Variants in ARHGEF17 observed in about 807,000 individuals in gnomAD.
The protein encoded by ARHGEF17 is 164 kDa Rho-specific guanine-nucleotide exchange factor.
In ARHGEF17, 80 loss-of-function variants were observed where a neutral mutation model predicts 174.0. The ratio of observed to expected loss-of-function variants is 0.46; its 90% CI spans 0.38 to 0.55. ARHGEF17 has a LOEUF of 0.55. Among genes scored for constraint, ARHGEF17 ranks in the 20% least tolerant of loss-of-function variants. The probability of loss-of-function intolerance (pLI) is 0.00; values close to 1 mark genes in which losing one functional copy is unlikely to be tolerated. For synonymous variants in ARHGEF17, 1,311 were observed against 1,189.1 expected (o/e 1.10, Z -2.11); for missense variants, 2,886 against 2,839.7 (o/e 1.02, Z -0.37).
chr11:73,314,756 C>A (rs1864901350), intron 1 of ARHGEF17, among the ~76,000 whole-genome samples: 1 of 152,100 alleles, frequency 6.6e-6, no homozygotes, highest in Admixed American at 6.5e-5. Flanking sequence ...CTCCCACACT[C>A]TTGTTACCTC....
In ARHGEF17 at chr11:73,364,518, A is replaced by G; in HGVS notation, c.5468A>G (p.Lys1823Arg). ...GGCACCCAGGGGAGCCCCATCACCA[A>G]GATGGTATCTGTGGGTGGGCGGCTG... The part of the protein sequence containing the change: ...TLGTQGSPIT[K>R]MVSVGGRLWC... Residue 1823 changes from lysine (K) to arginine (R), a missense_variant, in exon 18 of 21, where the codon AAG becomes AGG. Lys to Arg is a conservative substitution (Grantham distance 26). Transcript: ENST00000263674. 6.2e-7 allele frequency: 1 copy of G among 1,613,860 alleles called. No homozygotes were observed. The highest frequency in any genetic ancestry group is 8.5e-7 in the Non-Finnish European group (1 of 1,179,966).
chr11:73,314,300 G>C (rs1403586042), intron 1 of ARHGEF17, among the ~76,000 whole-genome samples: 1 of 152,234 alleles, frequency 6.6e-6, no homozygotes, highest in Non-Finnish European at 1.5e-5. Flanking sequence ...CTTTGCTTCT[G>C]GCAGTCCCTG....
intron 5 of ARHGEF17, 87 bp downstream of exon 5, chr11:73,356,040 C>A: frequency 6.3e-7 from 1 of 1,585,836 alleles, no homozygotes; most frequent in Non-Finnish European, 8.6e-7. Context: ...CTCGTTGAGC[C>A]TGACATCAGG....
chr11:73,326,426 G>A (rs1865102559), intron 1 of ARHGEF17, among the ~76,000 whole-genome samples: 1 of 152,150 alleles, frequency 6.6e-6, no homozygotes. Context: ...ATCCCAGAGT[G>A]GTAATTTCCA....
chr11:73,329,352 TATATA>T (rs1865158039), intron 1 of ARHGEF17, among the ~76,000 whole-genome samples: 2 of 44,672 alleles, frequency 4.5e-5, no homozygotes, highest in African/African-American at 3.8e-4. Context: ...TATATATATA[TATATA>T]TATATATATA....
intron 1 of ARHGEF17, among the ~76,000 whole-genome samples, chr11:73,336,383 C>T (rs552648250): frequency 3.3e-5 from 5 of 152,372 alleles, no homozygotes; most frequent in Non-Finnish European, 5.9e-5. Flanking sequence ...ACAGTGAGCA[C>T]ACCTCATTCC....
rs1175593798 is a variant in ARHGEF17 at position 73,362,154 on chromosome 11, C to A, written c.4609C>A (p.Pro1537Thr). The A allele has an allele frequency of 6.2e-7, 1 of 1,605,266 alleles. No individual in the cohort carries two copies. Among genetic ancestry groups the A allele is most frequent in the Non-Finnish European group, 8.5e-7 (1 of 1,177,574 alleles). The change falls in exon 13 of 21, where the codon CCG (proline) becomes ACG (threonine). Residue 1537 changes from proline (P) to threonine (T), a missense_variant. Physicochemically the swap from Pro to Thr is conservative, Grantham distance 38. Transcript: ENST00000263674. ...GTGCCTGCTGAGCCTGCGCGCCGAG[C>A]CGGACGTGGAGGCCTGCATCGCCGT... ...QVCLLSLRAE[P>T]DVEACIAVCS...
At chr11:73,327,052 T>A (rs1343460301) in intron 1 of ARHGEF17, among the ~76,000 whole-genome samples, 1 of 152,190 alleles carries the variant, frequency 6.6e-6, no homozygotes, top group East Asian at 1.9e-4. Flanking sequence ...GGGCCAGGTC[T>A]CCAGACGCAG....
chr11:73,335,317 G>A (rs1469606805), intron 1 of ARHGEF17, among the ~76,000 whole-genome samples: 1 of 152,112 alleles, frequency 6.6e-6, no homozygotes, highest in Non-Finnish European at 1.5e-5. Flanking sequence ...GTAAAATGGG[G>A]GTGACAGTCC....
At chr11:73,362,362 G>A (rs1865757016) in intron 13 of ARHGEF17, 71 bp from the exon 14 acceptor site, 1 of 1,455,504 alleles carries the variant, frequency 6.9e-7, no homozygotes. Context: ...GGGCGGGGTC[G>A]GTGGGCGTGT....
chr11:73,356,856 C>CA, intron 7 of ARHGEF17, 97 bp downstream of exon 7: 1 of 1,572,222 alleles, frequency 6.4e-7, no homozygotes, highest in Non-Finnish European at 8.7e-7. Context: ...CCTGCTCTTT[C>CA]ACCCCGAGGG....
At position 73,357,729 on chromosome 11, in the gene ARHGEF17, T is replaced by C. The variant is rs569778660; in HGVS notation, c.4087+402T>C. Among the ~76,000 whole-genome samples, 13 of 152,298 alleles carry C rather than the reference T, an allele frequency of 8.5e-5. No homozygotes were observed. In the South Asian group the frequency reaches 2.5e-3, roughly 29 times the overall value. On this transcript the variant is annotated intron_variant, in intron 9 of 20. Coordinates refer to ENST00000263674, the MANE Select transcript of ARHGEF17 (RefSeq NM_014786.4). ...CGCTTGAGTTACTGCAAGCAAAGGG[T>C]TGATTGGAGCCATCCATGTTGTTCA... is the stretch of plus-strand genomic sequence containing the variant.
At chr11:73,344,453 G>C (rs893100517) in intron 1 of ARHGEF17, among the ~76,000 whole-genome samples, 6 of 152,346 alleles carry the variant, frequency 3.9e-5, no homozygotes, top group Admixed American at 2.6e-4. Flanking sequence ...CCCGGCATCA[G>C]GCACAGCGCC....
At chr11:73,339,070 G>A (rs139672052) in intron 1 of ARHGEF17, among the ~76,000 whole-genome samples, 450 of 152,244 alleles carry the variant, frequency 3.0e-3, no homozygotes, top group African/African-American at 7.3e-3. Context: ...AGATTTAATA[G>A]GGTTGTGCCT....
In ARHGEF17 at chr11:73,364,616, G is replaced by T. The variant is rs773940928; in HGVS notation, c.5550+16G>T. 5 of 1,600,524 alleles carry T rather than the reference G, an allele frequency of 3.1e-6. No individual in the cohort carries two copies. Among genetic ancestry groups the T allele is most frequent in the Non-Finnish European group, 4.3e-6 (5 of 1,174,570 alleles). On this transcript the variant is annotated intron_variant, in intron 18 of 20. Coordinates refer to ENST00000263674, the MANE Select transcript of ARHGEF17 (RefSeq NM_014786.4). ...GCAGCTGGAGGTAGCAGGGGGTGGG[G>T]GAATGGAATTGGTGCCATGGGATGA...
At position 73,311,709 on chromosome 11, in the gene ARHGEF17, C is replaced by T. The variant is rs769730290; in HGVS notation, c.3071C>T (p.Pro1024Leu). Residue 1024 changes from proline (P) to leucine (L), a missense_variant, in exon 1 of 21, where the codon CCA becomes CTA. Pro to Leu is a moderately conservative substitution (Grantham distance 98). Around this residue, in one of 4 missense-constraint regions of ARHGEF17, gnomAD observed 1,728 missense variants for 1,461.2 expected, o/e 1.18. Transcript: ENST00000263674. ...LHSGEVPAPV[P>L]VDMPCLPLAA... ...TCCGGTGAGGTCCCTGCCCCAGTGC[C>T]AGTGGACATGCCCTGCTTGCCTCTG... is the stretch of plus-strand genomic sequence containing the variant. The T allele has an allele frequency of 1.4e-5, 22 of 1,613,368 alleles. No homozygotes were observed. Among genetic ancestry groups the T allele is most frequent in the Non-Finnish European group, 1.9e-5 (22 of 1,180,034 alleles).
chr11:73,358,453 C>CTTTTTT (rs1172357794), intron 9 of ARHGEF17, among the ~76,000 whole-genome samples: 13 of 93,298 alleles, frequency 1.4e-4, no homozygotes, highest in Non-Finnish European at 1.8e-4. Context: ...AGGTCCGCCT[C>CTTTTTT]TTTTTTTTTT....
intron 13 of ARHGEF17, 46 bp from the exon 14 acceptor site, chr11:73,362,387 C>T (rs1045725327): frequency 8.8e-6 from 13 of 1,481,754 alleles, no homozygotes; most frequent in South Asian, 1.4e-5. Flanking sequence ...CACCGGGGCC[C>T]CGTCTGGCTC....
At chr11:73,319,260 C>T (rs146179423) in intron 1 of ARHGEF17, among the ~76,000 whole-genome samples, 3,627 of 152,262 alleles carry the variant, frequency 0.024, 59 homozygotes, top group Non-Finnish European at 0.039. Flanking sequence ...GACGGGGTTT[C>T]ACCATGTTGG....
Sources: gnomAD v4.1 joint callset for allele counts (sites outside exome capture counted in the v4.1 genomes callset) on GRCh38, gnomAD v4.1.1 for gene constraint, gnomAD v4.1.1 regional missense constraint, MANE v1.5 for transcripts, NCBI Gene and HGNC (gene_info 2026-07-23, HGNC 2026-07-21) for gene names.